ZBTB41: variants seen among roughly 807,000 people sequenced by gnomAD.
ZBTB41 encodes the protein zinc finger and BTB domain containing 41.
In ZBTB41, 42 loss-of-function variants were observed where a neutral mutation model predicts 87.6. The observed-to-expected ratio is 0.48, with a 90% confidence interval of 0.37 to 0.62. The LOEUF (loss-of-function observed/expected upper bound fraction) is 0.62, where lower values mean the gene tolerates loss of function less well. ZBTB41 is among the 20% of genes least tolerant of loss of function. ZBTB41 has a pLI of 0.00. For synonymous variants in ZBTB41, 364 were observed against 364.0 expected (o/e 1.00, Z 0.00); for missense variants, 799 against 1,078.9 (o/e 0.74, Z 3.63).
At chr1:197,182,987 CAT>C (rs1330834608) in intron 5 of ZBTB41, among the ~76,000 whole-genome samples, 4 of 152,082 alleles carry the variant, frequency 2.6e-5, no homozygotes, top group Admixed American at 2.0e-4. Flanking sequence ...GGAACAGAAA[CAT>C]AGAGACGGAA....
intron 5 of ZBTB41, among the ~76,000 whole-genome samples, chr1:197,188,023 G>A (rs141774687): frequency 6.8e-4 from 103 of 152,260 alleles, no homozygotes; most frequent in African/African-American, 2.4e-3. Flanking sequence ...GTCTTTGGGC[G>A]ATTATGATGT....
chr1:197,162,096 T>C (rs1235616240), intron 10 of ZBTB41, among the ~76,000 whole-genome samples: 1 of 152,190 alleles, frequency 6.6e-6, no homozygotes, highest in Admixed American at 6.5e-5. Context: ...GGCATATTCC[T>C]TTGAGTAGTT....
At chr1:197,164,379 G>A (rs1659266824) in intron 10 of ZBTB41, among the ~76,000 whole-genome samples, 1 of 151,844 alleles carries the variant, frequency 6.6e-6, no homozygotes, top group Admixed American at 6.6e-5. Context: ...AATCAATTGT[G>A]TGAACAGCAT....
At chr1:197,183,114 C>A (rs573348544) in intron 5 of ZBTB41, among the ~76,000 whole-genome samples, 1 of 151,908 alleles carries the variant, frequency 6.6e-6, no homozygotes, top group African/African-American at 2.4e-5. Context: ...ATACTTATAA[C>A]AATACTCTAT....
rs148204992 is a variant in ZBTB41, at chr1:197,189,055, G to A, written c.1399-616C>T. Among the ~76,000 whole-genome samples, 94 of 152,304 alleles carry A rather than the reference G, an allele frequency of 6.2e-4. 1 individual carries two copies. Among genetic ancestry groups the A allele is most frequent in the African/African-American group, 2.2e-3 (92 of 41,570 alleles). On this transcript the variant is annotated intron_variant, in intron 4 of 10. Coordinates refer to ENST00000367405, the MANE Select transcript of ZBTB41 (RefSeq NM_194314.3). ...TTATTAACATTTTATAGCCAAGGAT[G>A]ATGAAACTTGGTAAGGGGAAGACAC... is the stretch of plus-strand genomic sequence containing the variant.
In ZBTB41 at chr1:197,176,588, T is replaced by C. The variant is rs754364177; in HGVS notation, c.1855A>G (p.Thr619Ala). ...CCTGAATGTATTTTTTTGTGCTTTGTAAGGTGATCATGACGGATAAATGTT... is the reference window on the plus strand; with the variant it reads ...CCTGAATGTATTTTTTTGTGCTTTGCAAGGTGATCATGACGGATAAATGTT... Reference protein sequence around the residue: ...GKTFIRHDHLTKHKKIHSGEK... With the variant: ...GKTFIRHDHLAKHKKIHSGEK... Residue 619 changes from threonine to alanine, a missense_variant, in exon 8 of 11, where the codon ACA becomes GCA. Around this residue, in one of 5 missense-constraint regions of ZBTB41, gnomAD observed 198 missense variants for 358.4 expected, o/e 0.55. Transcript: ENST00000367405. The C allele has an allele frequency of 1.2e-6, 2 of 1,611,858 alleles. No homozygotes were observed. The highest frequency in any genetic ancestry group is 1.7e-6 in the Non-Finnish European group (2 of 1,178,888).
chr1:197,186,882 A>C (rs1200576370), intron 5 of ZBTB41, among the ~76,000 whole-genome samples: 1 of 152,090 alleles, frequency 6.6e-6, no homozygotes, highest in African/African-American at 2.4e-5. Context: ...AAACAAAAAA[A>C]CAAAAAAACC....
chr1:197,171,897 G>C (rs533560698), intron 10 of ZBTB41, among the ~76,000 whole-genome samples: 19 of 151,920 alleles, frequency 1.3e-4, no homozygotes, highest in Non-Finnish European at 1.8e-4. Context: ...ACTAAAAGTT[G>C]AGTAAATATC....
At chr1:197,175,340 A>C (rs1195279909) in intron 8 of ZBTB41, among the ~76,000 whole-genome samples, 1 of 148,916 alleles carries the variant, frequency 6.7e-6, no homozygotes, top group Non-Finnish European at 1.5e-5. Flanking sequence ...TTGGAAAAGG[A>C]ATCAATAGCC....
intron 6 of ZBTB41, among the ~76,000 whole-genome samples, chr1:197,180,327 A>G (rs1028891972): frequency 1.3e-5 from 2 of 152,136 alleles, no homozygotes; most frequent in African/African-American, 4.8e-5. Flanking sequence ...AGTACACTCT[A>G]TATTTGTGTG....
At chr1:197,192,504 G>A (rs1487525165) in intron 2 of ZBTB41, among the ~76,000 whole-genome samples, 1 of 152,050 alleles carries the variant, frequency 6.6e-6, no homozygotes, top group Non-Finnish European at 1.5e-5. Flanking sequence ...GAACACATAA[G>A]TTATCAATTA....
intron 5 of ZBTB41, among the ~76,000 whole-genome samples, chr1:197,186,853 G>C (rs1364741410): frequency 6.6e-6 from 1 of 151,866 alleles, no homozygotes; most frequent in East Asian, 1.9e-4. Context: ...AACAGAGCAA[G>C]ACTCTGTCAC....
chr1:197,190,812 G>C lies in ZBTB41; in HGVS notation c.1348C>G (p.Gln450Glu). ...GTCTTCTTAATGGAAATAAATTCTT[G>C]TGCATTTTCAGGATGAAATCTATCA... ...HVKRFHPENA[Q>E]EFISIKKTKS... The change falls in exon 4 of 11, where the codon CAA (glutamine) becomes GAA (glutamate). Residue 450 changes from glutamine (Q) to glutamate (E), a missense_variant. Coordinates refer to ENST00000367405, the MANE Select transcript of ZBTB41 (RefSeq NM_194314.3). The C allele has an allele frequency of 6.3e-7, 1 of 1,588,732 alleles. No individual in the cohort carries two copies. The highest frequency in any genetic ancestry group is 8.6e-7 in the Non-Finnish European group (1 of 1,164,236).
At chr1:197,199,185 CACA>C (rs763028566) in intron 2 of ZBTB41, among the ~76,000 whole-genome samples, 166 bp downstream of exon 2, 6 of 152,058 alleles carry the variant, frequency 3.9e-5, no homozygotes, top group Non-Finnish European at 5.9e-5. Flanking sequence ...ATTCCTGAAT[CACA>C]ACAACTTTAA....
chr1:197,167,494 A>C lies in ZBTB41; in HGVS notation c.2074+4666T>G, dbSNP rs114239492. ...ACAGGGGTTTGTGAGCCATCGCACC[A>C]AGCATGAACAGGATATATTATATCT... On this transcript the variant is annotated intron_variant, in intron 10 of 10. Coordinates refer to ENST00000367405, the MANE Select transcript of ZBTB41 (RefSeq NM_194314.3). 7.3e-3 allele frequency among the ~76,000 whole-genome samples: 1,112 copies of C among 152,230 alleles called. 13 individuals are homozygous for C. The highest frequency in any genetic ancestry group is 0.025 in the African/African-American group (1,057 of 41,518).
chr1:197,194,687 A>T (rs1346981151), intron 2 of ZBTB41, among the ~76,000 whole-genome samples: 4 of 152,040 alleles, frequency 2.6e-5, no homozygotes, highest in Admixed American at 2.6e-4. Context: ...AATTTAGAAA[A>T]ATCTCATGAT....
At chr1:197,192,392 A>G (rs1215695688) in intron 2 of ZBTB41, among the ~76,000 whole-genome samples, 1 of 152,158 alleles carries the variant, frequency 6.6e-6, no homozygotes, top group Non-Finnish European at 1.5e-5. Context: ...ATATGCCTCA[A>G]ATCTTCCTCA....
At chr1:197,170,126 T>C (rs1179610333) in intron 10 of ZBTB41, among the ~76,000 whole-genome samples, 2 of 151,976 alleles carry the variant, frequency 1.3e-5, no homozygotes, top group African/African-American at 4.8e-5. Context: ...ACACATTTTA[T>C]TGTTTCTCCA....
intron 6 of ZBTB41, 25 bp downstream of exon 6, chr1:197,180,963 T>G (rs777673929): frequency 1.3e-6 from 2 of 1,578,744 alleles, no homozygotes; most frequent in Non-Finnish European, 1.7e-6. Context: ...CTAGGATTTT[T>G]GTGGGTGTGC....
Sources: allele counts gnomAD v4.1 joint callset (sites outside exome capture counted in the v4.1 genomes callset), GRCh38; gene constraint gnomAD v4.1.1; regional missense constraint gnomAD v4.1.1; transcripts MANE v1.5; gene names NCBI Gene and HGNC (gene_info 2026-07-23, HGNC 2026-07-21).